CDKAL1: variants seen among roughly 807,000 people sequenced by gnomAD.
The protein encoded by CDKAL1 is threonylcarbamoyladenosine tRNA methylthiotransferase.
In CDKAL1, 32 loss-of-function variants were observed where a neutral mutation model predicts 68.2. The observed-to-expected ratio is 0.47, with a 90% confidence interval of 0.35 to 0.63. The LOEUF is 0.63. CDKAL1 is among the 30% of genes least tolerant of loss of function. CDKAL1 has a pLI of 0.00. For missense variants in CDKAL1, 606 were observed against 696.7 expected (o/e 0.87, Z 1.47); for synonymous variants, 234 against 244.3 (o/e 0.96, Z 0.39).
chr6:20,784,849 G>A (rs993541379), intron 8 of CDKAL1, among the ~76,000 whole-genome samples: 3 of 151,912 alleles, frequency 2.0e-5, no homozygotes, highest in Admixed American at 6.6e-5. Flanking sequence ...TCTTGTTGCT[G>A]TACATTAATT....
At position 20,988,565 on chromosome 6, in the gene CDKAL1, C is replaced by A. The variant is rs1445479857; in HGVS notation, c.910-11662C>A. On this transcript the variant is annotated intron_variant, in intron 10 of 15. Transcript: ENST00000274695. The stretch of plus-strand genomic sequence containing the variant: ...ATCATGTACTGGCTGAAGTTCTGTT[C>A]TAGTTTTCTCCACTTCAGAACTTAG... 4.6e-5 allele frequency among the ~76,000 whole-genome samples: 7 copies of A among 152,108 alleles called. No homozygotes were observed. In the South Asian group the frequency reaches 6.2e-4, roughly 14 times the overall value.
intron 13 of CDKAL1, among the ~76,000 whole-genome samples, chr6:21,109,660 A>G (rs1173400862): frequency 2.0e-5 from 3 of 152,238 alleles, no homozygotes; most frequent in Non-Finnish European, 2.9e-5. Context: ...GAGAGAGCCA[A>G]TAGGGTCTGA....
At chr6:21,196,125 G>T (rs775010389) in intron 13 of CDKAL1, among the ~76,000 whole-genome samples, 2 of 152,126 alleles carry the variant, frequency 1.3e-5, no homozygotes, top group Non-Finnish European at 2.9e-5. Context: ...TACTCTCCAC[G>T]TTGATTCTAA....
intron 5 of CDKAL1, among the ~76,000 whole-genome samples, chr6:20,699,073 T>G (rs533435405): frequency 6.6e-6 from 1 of 152,264 alleles, no homozygotes; most frequent in African/African-American, 2.4e-5. Context: ...TTTCCTCTGT[T>G]TCTATATATT....
intron 12 of CDKAL1, among the ~76,000 whole-genome samples, chr6:21,072,484 T>A (rs972639919): frequency 6.7e-6 from 1 of 149,782 alleles, no homozygotes; most frequent in African/African-American, 2.5e-5. Flanking sequence ...ATGCCTTTTT[T>A]TCGGAGCTTG....
At chr6:20,569,938 C>T (rs1417958829) in intron 4 of CDKAL1, among the ~76,000 whole-genome samples, 2 of 152,134 alleles carry the variant, frequency 1.3e-5, no homozygotes, top group East Asian at 1.9e-4. Flanking sequence ...GGCTTTAATA[C>T]GTGTATCTGA....
intron 11 of CDKAL1, among the ~76,000 whole-genome samples, chr6:21,049,340 A>T (rs989248012): frequency 6.6e-5 from 10 of 152,218 alleles, no homozygotes; most frequent in African/African-American, 2.4e-4. Context: ...AGAAAAATAC[A>T]CATTACTGAA....
At chr6:20,702,368 C>T (rs1020067055) in intron 5 of CDKAL1, among the ~76,000 whole-genome samples, 4 of 152,090 alleles carry the variant, frequency 2.6e-5, no homozygotes, top group African/African-American at 9.7e-5. Flanking sequence ...TGAATTAGAC[C>T]CTCTCCCTTG....
At position 20,700,239 on chromosome 6, in the gene CDKAL1, C is replaced by T. The variant is rs374630032; in HGVS notation, c.372-39280C>T. Among the ~76,000 whole-genome samples, 31 of 151,890 alleles carry T rather than the reference C, an allele frequency of 2.0e-4. 1 individual carries two copies. The East Asian group carries it at 3.1e-3, about 15-fold the overall frequency. ...GCATGGTGGCACATGCCTGTAATCC[C>T]AGCTACTCAGGAGGCTGAGGCAGGA... On this transcript the variant is annotated intron_variant, in intron 5 of 15. Coordinates refer to ENST00000274695, the MANE Select transcript of CDKAL1 (RefSeq NM_017774.3).
chr6:21,147,819 T>G (rs1776252249), intron 13 of CDKAL1, among the ~76,000 whole-genome samples: 1 of 152,168 alleles, frequency 6.6e-6, no homozygotes, highest in Non-Finnish European at 1.5e-5. Context: ...TTGTCTTTAA[T>G]TAAACAAAAG....
intron 4 of CDKAL1, among the ~76,000 whole-genome samples, chr6:20,576,023 G>A (rs1051254137): frequency 1.3e-5 from 2 of 152,150 alleles, no homozygotes; most frequent in African/African-American, 2.4e-5. Flanking sequence ...TGACTCAAAA[G>A]TACCTTAAGT....
At chr6:21,180,007 C>G (rs1254001060) in intron 13 of CDKAL1, among the ~76,000 whole-genome samples, 1 of 152,020 alleles carries the variant, frequency 6.6e-6, no homozygotes, top group African/African-American at 2.4e-5. Context: ...GGTTACAAAG[C>G]GAGACCCTGT....
intron 8 of CDKAL1, among the ~76,000 whole-genome samples, chr6:20,785,476 C>T (rs370699606): frequency 2.6e-5 from 4 of 151,906 alleles, no homozygotes; most frequent in African/African-American, 7.3e-5. Flanking sequence ...CCACCACACC[C>T]GGCTAATTTT....
intron 8 of CDKAL1, among the ~76,000 whole-genome samples, chr6:20,791,802 C>G (rs1197917804): frequency 6.6e-6 from 1 of 152,018 alleles, no homozygotes; most frequent in Non-Finnish European, 1.5e-5. Context: ...GATGTATGAC[C>G]ATTGTGCCTT....
intron 11 of CDKAL1, among the ~76,000 whole-genome samples, chr6:21,007,217 T>C (rs1017261732): frequency 2.0e-5 from 3 of 152,166 alleles, no homozygotes; most frequent in Admixed American, 2.0e-4. Context: ...GGCAGACAGA[T>C]TGCTTGAGTC....
intron 4 of CDKAL1, among the ~76,000 whole-genome samples, chr6:20,580,343 G>A (rs970761414): frequency 3.3e-5 from 5 of 152,142 alleles, no homozygotes; most frequent in African/African-American, 1.2e-4. Flanking sequence ...GTGTGTAGGC[G>A]TTAGCTGCTG....
At position 20,980,200 on chromosome 6, in the gene CDKAL1, T is replaced by TAGATAC. The variant is rs907598997; in HGVS notation, c.910-20022_910-20021insCAGATA. ...AGAAGCCTCCAAAGATAGATAGATA[T>TAGATAC]AGATATAGATATAGATATAGATATA... On this transcript the variant is annotated intron_variant, in intron 10 of 15. Coordinates refer to ENST00000274695, the MANE Select transcript of CDKAL1 (RefSeq NM_017774.3). Among the ~76,000 whole-genome samples the TAGATAC allele has an allele frequency of 4.9e-5, 6 of 123,538 alleles. No individual in the cohort carries two copies. The East Asian group carries it at 5.8e-4, about 12-fold the overall frequency. 81.0% of individuals were successfully genotyped at this position (123,538 alleles called of 152,430 possible). A position where few individuals can be genotyped will look rare whatever the true frequency, so the allele number is the denominator to read the frequency against.
intron 5 of CDKAL1, among the ~76,000 whole-genome samples, chr6:20,698,137 C>T (rs1181761753): frequency 6.6e-6 from 1 of 152,056 alleles, no homozygotes; most frequent in African/African-American, 2.4e-5. Flanking sequence ...GGTAAGGTTT[C>T]CTGTGTATTG....
intron 6 of CDKAL1, among the ~76,000 whole-genome samples, chr6:20,755,790 G>A (rs1774143093): frequency 6.6e-6 from 1 of 152,138 alleles, no homozygotes. Flanking sequence ...TAAATTCATG[G>A]TCTCATATTT....
Sources: allele counts gnomAD v4.1 joint callset (sites outside exome capture counted in the v4.1 genomes callset), GRCh38; gene constraint gnomAD v4.1.1; transcripts MANE v1.5; gene names NCBI Gene and HGNC (gene_info 2026-07-23, HGNC 2026-07-21).